TBC1D4: variants seen among roughly 807,000 people sequenced by gnomAD.
TBC1D4 encodes TBC (Tre-2, BUB2, CDC16) domain-containing protein.
In TBC1D4, 121 loss-of-function variants were observed where a neutral mutation model predicts 142.5. The observed-to-expected ratio is 0.85, with a 90% CI of 0.73 to 0.99. The LOEUF is 0.99. Among genes scored for constraint, TBC1D4 ranks in the 50% least tolerant of loss-of-function variants. The probability of loss-of-function intolerance (pLI) is 0.00; values close to 1 mark genes in which losing one functional copy is unlikely to be tolerated. For synonymous variants in TBC1D4, 630 were observed against 628.2 expected, an observed-to-expected ratio of 1.00 and a Z score of -0.04; for missense variants, 1,475 against 1,606.6, an observed-to-expected ratio of 0.92 and a Z score of 1.40.
At chr13:75,349,142 CT>C in intron 5 of TBC1D4, 27 bp downstream of exon 5, 1 of 1,613,914 alleles carries the variant, frequency 6.2e-7, no homozygotes, top group Non-Finnish European at 8.5e-7. Flanking sequence ...GCAAACTTCT[CT>C]TTTGCCAAAG....
intron 1 of TBC1D4, among the ~76,000 whole-genome samples, chr13:75,450,200 C>T (rs1173712751): frequency 1.3e-5 from 2 of 152,130 alleles, no homozygotes; most frequent in South Asian, 2.1e-4. Context: ...CCCTACTTTA[C>T]CTCACAGTGG....
chr13:75,357,434 C>G (rs1332456182), intron 3 of TBC1D4, among the ~76,000 whole-genome samples: 1 of 152,136 alleles, frequency 6.6e-6, no homozygotes, highest in African/African-American at 2.4e-5. Flanking sequence ...TCTTTCCATC[C>G]TCATCTGCTT....
chr13:75,348,954 AGTGT>A (rs55954112), intron 5 of TBC1D4, among the ~76,000 whole-genome samples: 48,793 of 138,808 alleles, frequency 0.35, 8,695 homozygotes, highest in East Asian at 0.61. Flanking sequence ...AGAGAGAGAG[AGTGT>A]GTGTGTGTGT....
intron 11 of TBC1D4, among the ~76,000 whole-genome samples, chr13:75,321,972 A>G (rs1420016217): frequency 6.6e-6 from 1 of 152,252 alleles, no homozygotes. Flanking sequence ...ACAAAGTTCA[A>G]AGCCAAGCAC....
At chr13:75,328,356 T>A (rs1262031135) in intron 8 of TBC1D4, among the ~76,000 whole-genome samples, 2 of 152,236 alleles carry the variant, frequency 1.3e-5, no homozygotes, top group Non-Finnish European at 2.9e-5. Flanking sequence ...ATCATTTAAT[T>A]CTGGAAGACT....
Position 75,481,721 on chromosome 13 carries a change from A to C in TBC1D4, c.47T>G (p.Leu16Arg), listed in dbSNP as rs780654666. ...AGCTGAGACGCCCGGCTCGGGCTCC[A>C]GGGGGTGCGGGAACGGCTCATCCTG... ...CIQDEPFPHPLEPEPGVSAQP... is the reference protein window; with the variant it reads ...CIQDEPFPHPREPEPGVSAQP... Residue 16 changes from leucine to arginine, a missense_variant, in exon 1 of 21, where the codon CTG (leucine) becomes CGG (arginine). Leu to Arg is a moderately radical substitution (Grantham distance 102, BLOSUM62 -2). Coordinates refer to ENST00000377636, the MANE Select transcript of TBC1D4 (RefSeq NM_014832.5). 1.1e-5 allele frequency: 18 copies of C among 1,596,522 alleles called. No individual in the cohort carries two copies. In the East Asian group the frequency reaches 3.8e-4, roughly 34 times the overall value.
chr13:75,356,965 G>A lies in TBC1D4; in HGVS notation c.1171-714C>T, dbSNP rs988121023. On this transcript the variant is annotated intron_variant, in intron 3 of 20. Transcript: ENST00000377636. ...CACAGTACTTAGATAAGCCAGGTAGGCAAAAAATTTAAAGTTGTCCCCAAA... is the reference window on the plus strand; with the variant it reads ...CACAGTACTTAGATAAGCCAGGTAGACAAAAAATTTAAAGTTGTCCCCAAA... 2.6e-5 allele frequency among the ~76,000 whole-genome samples: 4 copies of A among 152,118 alleles called. No individual in the cohort carries two copies. The East Asian group carries it at 5.8e-4, about 22-fold the overall frequency.
chr13:75,481,449 G>T lies in TBC1D4; in HGVS notation c.319C>A (p.Pro107Thr). Residue 107 changes from proline (P) to threonine (T), a missense_variant, in exon 1 of 21, where the codon CCG becomes ACG. Transcript: ENST00000377636. The stretch of plus-strand genomic sequence containing the variant: ...GCCGGGTTGGGCTGCGTGGCCGACG[G>T]ACTAGTGCCCCCCGAGGCCCCAGCG... ...PGAGASGGTS[P>T]SATQPNPAVF... 1 of 1,613,814 alleles carries T rather than the reference G, an allele frequency of 6.2e-7. No homozygotes were observed.
In TBC1D4 at chr13:75,306,314, T is replaced by TTTAAGATATTTAAAGGTATTTTAAATA. The variant is rs1275644487; in HGVS notation, c.2750_2751insTATTTAAAATACCTTTAAATATCTTAA (p.Glu917delinsAspIleTer). On this transcript the variant is annotated stop_gained and protein_altering_variant and splice_region_variant, in exon 15 of 21. Transcript: ENST00000377636. LOFTEE classifies it high-confidence loss of function. ...AATTACTGAGATTATCCCAAATACC[T>TTTAAGATATTTAAAGGTATTTTAAATA]TCTTTAAGAAGAGTATGAATATCTT... 2 of 1,608,134 alleles carry TTTAAGATATTTAAAGGTATTTTAAATA rather than the reference T, an allele frequency of 1.2e-6. No individual in the cohort carries two copies. Among genetic ancestry groups the TTTAAGATATTTAAAGGTATTTTAAATA allele is most frequent in the African/African-American group, 2.7e-5 (2 of 74,808 alleles).
At chr13:75,410,805 G>A (rs1183527954) in intron 1 of TBC1D4, among the ~76,000 whole-genome samples, 1 of 150,246 alleles carries the variant, frequency 6.7e-6, no homozygotes, top group Non-Finnish European at 1.5e-5. Flanking sequence ...GCGTGGTAGC[G>A]GGCACCTGTA....
chr13:75,361,463 C>T (rs1358465488), intron 2 of TBC1D4, among the ~76,000 whole-genome samples: 1 of 152,186 alleles, frequency 6.6e-6, no homozygotes, highest in Admixed American at 6.5e-5. Context: ...TCACTACAAC[C>T]TCCGACTCCC....
At chr13:75,288,095 G>A (rs1874882613) in intron 20 of TBC1D4, among the ~76,000 whole-genome samples, 2 of 152,180 alleles carry the variant, frequency 1.3e-5, no homozygotes, top group African/African-American at 4.8e-5. Context: ...TGTGCGCTTA[G>A]AGACAGATAT....
At chr13:75,426,476 C>T (rs1259402776) in intron 1 of TBC1D4, among the ~76,000 whole-genome samples, 1 of 152,166 alleles carries the variant, frequency 6.6e-6, no homozygotes, top group South Asian at 2.1e-4. Context: ...GACTGTGATT[C>T]TAGACACATC....
chr13:75,395,569 G>A (rs149283663), intron 1 of TBC1D4, among the ~76,000 whole-genome samples: 1 of 152,276 alleles, frequency 6.6e-6, no homozygotes, highest in Non-Finnish European at 1.5e-5. Context: ...GGTGGCTCAC[G>A]CCTGTAATCC....
chr13:75,403,515 A>T (rs1885197588), intron 1 of TBC1D4, among the ~76,000 whole-genome samples: 1 of 152,254 alleles, frequency 6.6e-6, no homozygotes, highest in Non-Finnish European at 1.5e-5. Flanking sequence ...AAGTATAAAC[A>T]ATTTTGTTAA....
intron 1 of TBC1D4, among the ~76,000 whole-genome samples, chr13:75,475,097 T>A (rs1275565899): frequency 6.6e-6 from 1 of 152,204 alleles, no homozygotes; most frequent in Non-Finnish European, 1.5e-5. Flanking sequence ...CGTTCACTTT[T>A]AAGGAAATGC....
At chr13:75,306,205 A>G (rs1474173634) in intron 15 of TBC1D4, 108 bp downstream of exon 15, 2 of 1,035,930 alleles carry the variant, frequency 1.9e-6, no homozygotes, top group East Asian at 5.2e-5. Flanking sequence ...AGCAAAACAC[A>G]AGGACAAAAT....
rs1347484181 is a variant in TBC1D4 at position 75,285,149 on chromosome 13, ATTGTCTT to A, written c.*1636_*1642del. On this transcript the variant is annotated 3_prime_UTR_variant, in exon 21 of 21. Transcript: ENST00000377636. ...ACATTAACTTTATTAATAAGATTTTATTGTCTTTTAAGAAACTGTATGGATTCAAGGG... is the reference window on the plus strand; with the variant it reads ...ACATTAACTTTATTAATAAGATTTTATTAAGAAACTGTATGGATTCAAGGG... 3 of 152,254 alleles carry A rather than the reference ATTGTCTT, an allele frequency of 2.0e-5. No individual in the cohort carries two copies. Among genetic ancestry groups the A allele is most frequent in the African/African-American group, 7.2e-5 (3 of 41,548 alleles). 9.4% of individuals were successfully genotyped at this position (152,254 alleles called of 1,614,324 possible). A position where few individuals can be genotyped will look rare whatever the true frequency, so the allele number is the denominator to read the frequency against.
chr13:75,316,254 A>G (rs1593917065), intron 12 of TBC1D4, among the ~76,000 whole-genome samples: 1 of 152,194 alleles, frequency 6.6e-6, no homozygotes, highest in South Asian at 2.1e-4. Context: ...TATAAAATAC[A>G]AAGTTTTGGG....
Sources: allele counts gnomAD v4.1 joint callset (sites outside exome capture counted in the v4.1 genomes callset), GRCh38; gene constraint gnomAD v4.1.1; transcripts MANE v1.5; gene names NCBI Gene and HGNC (gene_info 2026-07-23, HGNC 2026-07-21).